Variants in LSAMP observed in about 807,000 individuals in gnomAD.
The protein encoded by LSAMP is limbic system associated membrane protein, also known as limbic system-associated membrane protein.
Under a neutral mutation model 38.6 loss-of-function variants are expected in LSAMP, and 7 were observed. That is an observed-to-expected ratio of 0.18 (90% CI 0.10 to 0.34). The LOEUF (loss-of-function observed/expected upper bound fraction) is 0.34. LSAMP is among the 10% of genes least tolerant of loss of function. LSAMP has a pLI of 1.00. For synonymous variants in LSAMP, 154 were observed against 166.8 expected, an observed-to-expected ratio of 0.92 and a Z score of 0.59; for missense variants, 313 against 420.0, an observed-to-expected ratio of 0.75 and a Z score of 2.23.
intron 1 of LSAMP, among the ~76,000 whole-genome samples, chr3:116,363,849 A>G (rs2048319894): frequency 7.0e-6 from 1 of 142,618 alleles, no homozygotes; most frequent in Admixed American, 7.0e-5. Context: ...TTAGGTATTG[A>G]TGGGACGTAT....
chr3:115,985,215 A>G (rs1939475675), intron 3 of LSAMP, among the ~76,000 whole-genome samples: 1 of 152,220 alleles, frequency 6.6e-6, no homozygotes, highest in Non-Finnish European at 1.5e-5. Flanking sequence ...CTATTATTAA[A>G]TATCCTAGCT....
rs1052703163 is a variant in LSAMP at position 116,268,224 on chromosome 3, T to A, written c.155+176653A>T. 1.4e-4 allele frequency among the ~76,000 whole-genome samples: 21 copies of A among 152,072 alleles called. No individual in the cohort carries two copies. In the East Asian group the frequency reaches 3.9e-3, roughly 28 times the overall value. On this transcript the variant is annotated intron_variant, in intron 1 of 6. Transcript: ENST00000490035. The stretch of plus-strand genomic sequence containing the variant: ...GGCCATTAAAAAAAAAATGTGTGTG[T>A]GTAGTAGGCAAGATGCAACCATTCC...
intron 1 of LSAMP, among the ~76,000 whole-genome samples, chr3:116,383,332 G>A (rs2048586336): frequency 6.6e-6 from 1 of 151,934 alleles, no homozygotes. Flanking sequence ...CTTGCTATAT[G>A]CCCCATAGCT....
In LSAMP at chr3:116,006,593, G is replaced by C. The variant is rs190986912; in HGVS notation, c.514+12922C>G. Among the ~76,000 whole-genome samples the C allele has an allele frequency of 3.8e-3, 580 of 152,138 alleles. 3 individuals are homozygous for C. The highest frequency in any genetic ancestry group is 0.013 in the African/African-American group (546 of 41,514). ...GAGAAAATAGAAAATGTTTATCTCT[G>C]GTCTCTTCAGGAATCCATCCATCCA... On this transcript the variant is annotated intron_variant, in intron 3 of 6. Transcript: ENST00000490035.
intron 3 of LSAMP, among the ~76,000 whole-genome samples, chr3:116,008,387 G>T (rs1940227292): frequency 1.3e-5 from 2 of 151,964 alleles, no homozygotes; most frequent in South Asian, 4.2e-4. Flanking sequence ...TTTGTAGAGA[G>T]ACATACATTT....
At chr3:116,437,106 T>A (rs2049363498) in intron 1 of LSAMP, among the ~76,000 whole-genome samples, 1 of 151,382 alleles carries the variant, frequency 6.6e-6, no homozygotes, top group South Asian at 2.1e-4. Flanking sequence ...TTAACAGCAT[T>A]TGCAATGACC....
At chr3:116,206,380 G>A (rs1470638083) in intron 1 of LSAMP, among the ~76,000 whole-genome samples, 24 of 151,142 alleles carry the variant, frequency 1.6e-4, no homozygotes, top group Non-Finnish European at 3.1e-4. Flanking sequence ...ATTTTTTGAA[G>A]GGTTTTTTTG....
chr3:116,117,114 G>C (rs1382450208), intron 1 of LSAMP, among the ~76,000 whole-genome samples: 1 of 152,138 alleles, frequency 6.6e-6, no homozygotes, highest in Non-Finnish European at 1.5e-5. Context: ...CAAAACATTC[G>C]ACTTATATGG....
intron 1 of LSAMP, among the ~76,000 whole-genome samples, chr3:116,143,691 A>G (rs1293928689): frequency 6.6e-6 from 1 of 151,784 alleles, no homozygotes; most frequent in East Asian, 1.9e-4. Flanking sequence ...TTGATTATTC[A>G]TTGTGTATGT....
intron 1 of LSAMP, among the ~76,000 whole-genome samples, chr3:116,354,626 G>A (rs1300867224): frequency 6.6e-6 from 1 of 152,166 alleles, no homozygotes; most frequent in Non-Finnish European, 1.5e-5. Context: ...GGCATTGCAT[G>A]CAAATGCAAT....
At chr3:115,818,606 G>A (rs2107460507) in intron 6 of LSAMP, among the ~76,000 whole-genome samples, 1 of 151,302 alleles carries the variant, frequency 6.6e-6, no homozygotes, top group African/African-American at 2.4e-5. Flanking sequence ...CATAATAAAT[G>A]CTCAATAAAT....
chr3:116,251,168 T>C (rs1283648561), intron 1 of LSAMP, among the ~76,000 whole-genome samples: 1 of 152,200 alleles, frequency 6.6e-6, no homozygotes, highest in Non-Finnish European at 1.5e-5. Flanking sequence ...TTGGACAGAT[T>C]AGCCAAAACA....
intron 2 of LSAMP, among the ~76,000 whole-genome samples, chr3:116,031,702 G>A (rs1406625118): frequency 6.6e-6 from 1 of 150,670 alleles, no homozygotes; most frequent in Admixed American, 6.7e-5. Flanking sequence ...AATAAAAGTT[G>A]TTTTTTGCCA....
chr3:116,287,515 G>C (rs116639336), intron 1 of LSAMP, among the ~76,000 whole-genome samples: 9,030 of 152,064 alleles, frequency 0.059, 476 homozygotes, highest in African/African-American at 0.15. Context: ...GTTAAATCTG[G>C]CTCTATCACT....
At chr3:116,349,119 G>A (rs895993022) in intron 1 of LSAMP, among the ~76,000 whole-genome samples, 11 of 151,968 alleles carry the variant, frequency 7.2e-5, no homozygotes, top group South Asian at 6.2e-4. Context: ...AATTAAATGA[G>A]TTAGTGGATT....
intron 1 of LSAMP, among the ~76,000 whole-genome samples, chr3:116,280,216 A>C (rs2047110649): frequency 6.6e-6 from 1 of 152,222 alleles, no homozygotes; most frequent in Non-Finnish European, 1.5e-5. Flanking sequence ...TTTCACCGAA[A>C]TCACATTAGT....
chr3:116,208,376 T>C (rs1484409398), intron 1 of LSAMP, among the ~76,000 whole-genome samples: 17 of 152,074 alleles, frequency 1.1e-4, no homozygotes, highest in South Asian at 6.2e-4. Flanking sequence ...GTAATTTGAT[T>C]GTCTGAAGCC....
At chr3:116,192,246 T>C (rs1176172865) in intron 1 of LSAMP, among the ~76,000 whole-genome samples, 3 of 152,096 alleles carry the variant, frequency 2.0e-5, no homozygotes, top group African/African-American at 7.2e-5. Flanking sequence ...CAGTGAGAGG[T>C]AGCTTGAGAA....
intron 3 of LSAMP, among the ~76,000 whole-genome samples, chr3:115,998,685 A>G (rs1939898912): frequency 6.6e-6 from 1 of 152,168 alleles, no homozygotes; most frequent in African/African-American, 2.4e-5. Context: ...TGAGACACAC[A>G]AGTCTAAGCT....
Sources: allele counts gnomAD v4.1 joint callset (sites outside exome capture counted in the v4.1 genomes callset), GRCh38; gene constraint gnomAD v4.1.1; transcripts MANE v1.5; gene names NCBI Gene and HGNC (gene_info 2026-07-23, HGNC 2026-07-21).